ZNF335: variants seen among roughly 807,000 people sequenced by gnomAD.
ZNF335 encodes zinc finger protein 335, also known as NRC-interacting factor 1.
A neutral mutation model predicts 145.6 loss-of-function variants in ZNF335; 84 were observed. The ratio of observed to expected loss-of-function variants is 0.58; its 90% CI spans 0.48 to 0.69. ZNF335 has a LOEUF of 0.69. Ranked by LOEUF, ZNF335 falls within the 30% of genes least tolerant of loss-of-function variation. The pLI, the probability that ZNF335 is intolerant of heterozygous loss-of-function variation, is 0.00. For synonymous variants in ZNF335, 761 were observed against 717.0 expected (o/e 1.06, Z -0.98); for missense variants, 1,865 against 1,809.7 (o/e 1.03, Z -0.55).
rs2083680371 is a variant in ZNF335 at position 45,953,950 on chromosome 20, T to A, written c.2443-2A>T. On this transcript the variant is annotated splice_acceptor_variant, in intron 17 of 27. Transcript: ENST00000322927. LOFTEE classifies it high-confidence loss of function. ...ATCTTCCGACTTCACCACAGCCACC[T>A]GCAACGGCACCAGGGGGCGGGATGG... The A allele has an allele frequency of 1.9e-6, 3 of 1,583,022 alleles. No individual in the cohort carries two copies. In the Admixed American group the frequency reaches 5.5e-5, roughly 29 times the overall value.
Position 45,962,164 on chromosome 20 carries a change from C to T in ZNF335, c.1552G>A (p.Val518Met), listed in dbSNP as rs768453184. The T allele has an allele frequency of 1.5e-5, 25 of 1,613,992 alleles. 1 individual carries two copies. In the Admixed American group the frequency reaches 3.3e-4, roughly 22 times the overall value. The change falls in exon 10 of 28, where the codon GTG becomes ATG. Residue 518 changes from valine (V) to methionine (M), a missense_variant. Coordinates refer to ENST00000322927, the MANE Select transcript of ZNF335 (RefSeq NM_022095.4). ...TCACACTTGTAGGGCTTGCTGCCCA[C>T]GTGGTTGAACATGTGCTCCTGGGAG... ...SSLKEHMFNH[V>M]GSKPYKCDEC... is the part of the protein sequence containing the mutation.
At position 45,965,785 on chromosome 20, in the gene ZNF335, C is replaced by G. The variant is rs1258747382; in HGVS notation, c.956-11G>C. On this transcript the variant is annotated splice_polypyrimidine_tract_variant and intron_variant, in intron 6 of 27. Transcript: ENST00000322927. ...TATAGTCGCTATCCTCTGTGGGGGA[C>G]AGTAAAGTTGGTGAACAGTGAGTGG... 2.5e-6 allele frequency: 4 copies of G among 1,595,938 alleles called. No homozygotes were observed. The highest frequency in any genetic ancestry group is 2.7e-5 in the African/African-American group (2 of 73,116).
chr20:45,961,915 G>T, intron 10 of ZNF335, 155 bp downstream of exon 10: 1 of 632,214 alleles, frequency 1.6e-6, no homozygotes, highest in Non-Finnish European at 2.8e-6. Flanking sequence ...AATGAACTGG[G>T]GTGAACTGCC....
Position 45,957,927 on chromosome 20 carries a change from A to C in ZNF335, c.2255T>G (p.Ile752Arg). 1 of 1,613,996 alleles carries C rather than the reference A, an allele frequency of 6.2e-7. No homozygotes were observed. Residue 752 changes from isoleucine (I) to arginine (R), a missense_variant and splice_region_variant, in exon 16 of 28, where the codon ATA (isoleucine) becomes AGA (arginine). Physicochemically the swap from Ile to Arg is moderately conservative, Grantham distance 97 (BLOSUM62 -3). Transcript: ENST00000322927. ...PPPSSPGPPE[I>R]PPEATTFQSS... is the part of the protein sequence containing the mutation. ...CTGGAAAGTTGTCGCCTCTGGGGGT[A>C]TCTATGGGGTGGAGATATGGCCACG...
rs767257716 is a variant in ZNF335, at chr20:45,953,889, G to C, written c.2502C>G (p.Pro834=). The C allele has an allele frequency of 1.1e-5, 18 of 1,613,242 alleles. No individual in the cohort carries two copies. The highest frequency in any genetic ancestry group is 1.5e-5 in the Non-Finnish European group (18 of 1,179,766). The change falls in exon 18 of 28, where the codon CCC becomes CCG. Residue 834 remains proline, a synonymous_variant. Transcript: ENST00000322927. The part of the protein sequence containing the change: ...EAGLASPGGQ[P]SPEGATPQVV... ...CCTGTGGAGTGGCACCTTCAGGGGAGGGCTGCCCACCAGGGGATGCTAACC... is the reference window on the plus strand; with the variant it reads ...CCTGTGGAGTGGCACCTTCAGGGGACGGCTGCCCACCAGGGGATGCTAACC...
intron 10 of ZNF335, 26 bp from the exon 11 acceptor site, chr20:45,960,908 G>A: frequency 6.2e-7 from 1 of 1,612,924 alleles, no homozygotes; most frequent in Non-Finnish European, 8.5e-7. Context: ...CGAGGAATTA[G>A]ACCAGAGCTT....
chr20:45,971,160 T>G, intron 2 of ZNF335, 50 bp downstream of exon 2: 1 of 1,471,844 alleles, frequency 6.8e-7, no homozygotes, highest in Non-Finnish European at 9.0e-7. Context: ...TGTCAGGCAC[T>G]GCTGCTCGCG....
Position 45,949,479 on chromosome 20 carries a change from G to C in ZNF335, c.3753+6C>G. On this transcript the variant is annotated splice_donor_region_variant and intron_variant, in intron 25 of 27. Coordinates refer to ENST00000322927, the MANE Select transcript of ZNF335 (RefSeq NM_022095.4). ...ACACAGCACCCTCATCCCAGGTCTG[G>C]CCTACCTGGATGTGATGGCCTTCAG... is the stretch of plus-strand genomic sequence containing the variant. 1.9e-6 allele frequency: 3 copies of C among 1,613,824 alleles called. No homozygotes were observed. Among genetic ancestry groups the C allele is most frequent in the Non-Finnish European group, 2.5e-6 (3 of 1,179,914 alleles).
intron 20 of ZNF335, among the ~76,000 whole-genome samples, 157 bp from the exon 21 acceptor site, chr20:45,950,752 C>T (rs931777369): frequency 2.6e-5 from 4 of 152,200 alleles, no homozygotes; most frequent in African/African-American, 9.6e-5. Flanking sequence ...AAAGGCCAAG[C>T]CGGATCCGTA....
intron 14 of ZNF335, 81 bp from the exon 15 acceptor site, chr20:45,959,514 A>C: frequency 9.1e-7 from 1 of 1,101,728 alleles, no homozygotes. Context: ...GACCCTAAGG[A>C]TCTCTCCAAC....
rs911409744 is a variant in ZNF335, at chr20:45,952,410, A to C, written c.2926T>G (p.Ser976Ala). The C allele has an allele frequency of 1.4e-5, 22 of 1,583,982 alleles. No homozygotes were observed. Among genetic ancestry groups the C allele is most frequent in the Non-Finnish European group, 1.8e-5 (21 of 1,161,896 alleles). Reference protein sequence around the residue: ...GLPRDGPEPPSPAKTHCVGDS... With the variant: ...GLPRDGPEPPAPAKTHCVGDS... The stretch of plus-strand genomic sequence containing the variant: ...CCTACGCAGTGGGTCTTGGCTGGAG[A>C]TGGGGGCTCAGGGCCGTCTCTGGGC... Residue 976 changes from serine (S) to alanine (A), a missense_variant, in exon 20 of 28, where the codon TCT becomes GCT. Transcript: ENST00000322927.
intron 15 of ZNF335, 122 bp from the exon 16 acceptor site, chr20:45,958,050 C>CT: frequency 1.4e-6 from 1 of 731,914 alleles, no homozygotes; most frequent in Admixed American, 2.6e-5. Flanking sequence ...TTCATAACCA[C>CT]TTTTCTTTTT....
chr20:45,971,045 A>C (rs532354619), intron 2 of ZNF335, among the ~76,000 whole-genome samples, 165 bp downstream of exon 2: 1 of 152,352 alleles, frequency 6.6e-6, no homozygotes, highest in South Asian at 2.1e-4. Context: ...GAAGGTATGA[A>C]GCTCAAATGA....
chr20:45,960,702 CAG>C lies in ZNF335; in HGVS notation c.1694_1695del (p.Pro565ArgfsTer22). The C allele has an allele frequency of 6.2e-7, 1 of 1,614,114 alleles. No homozygotes were observed. The highest frequency in any genetic ancestry group is 8.5e-7 in the Non-Finnish European group (1 of 1,180,010). Reference protein sequence around the residue: ...PTPKLSSFPCPVCGRVYPMQK... With the variant: ...PTPKLSSFPCXVCGRVYPMQK... Reference sequence around the variant, plus strand: ...TGCATGGGGTACACACGGCCACACACAGGGCAGGGGAAAGAGCTCAGCTTTGG... The same window carrying C: ...TGCATGGGGTACACACGGCCACACACGGCAGGGGAAAGAGCTCAGCTTTGG... On this transcript the variant is annotated frameshift_variant, in exon 12 of 28. Coordinates refer to ENST00000322927, the MANE Select transcript of ZNF335 (RefSeq NM_022095.4). LOFTEE classifies it high-confidence loss of function.
intron 20 of ZNF335, among the ~76,000 whole-genome samples, chr20:45,951,681 C>G (rs1189825187): frequency 6.6e-6 from 1 of 152,202 alleles, no homozygotes; most frequent in Non-Finnish European, 1.5e-5. Context: ...GGCAGTAGTG[C>G]TTGCCCACCT....
intron 25 of ZNF335, 33 bp from the exon 26 acceptor site, chr20:45,949,431 G>A (rs780309952): frequency 2.5e-6 from 4 of 1,614,012 alleles, no homozygotes; most frequent in Admixed American, 3.3e-5. Context: ...TGATCCTAGG[G>A]AGAGGTCATG....
intron 8 of ZNF335, 37 bp from the exon 9 acceptor site, chr20:45,963,687 G>C: frequency 6.2e-7 from 1 of 1,613,976 alleles, no homozygotes; most frequent in Non-Finnish European, 8.5e-7. Context: ...GTCTGGTGGG[G>C]TTGGTGGCTT....
At chr20:45,950,118 A>G (rs1001514931) in intron 22 of ZNF335, 49 bp from the exon 23 acceptor site, 5 of 1,609,572 alleles carry the variant, frequency 3.1e-6, no homozygotes, top group East Asian at 4.5e-5. Context: ...AAAACCTGCA[A>G]TGCCCCAGCT....
At position 45,971,206 on chromosome 20, in the gene ZNF335, AT is replaced by A. The variant is rs1568832774; in HGVS notation, c.201+3del. On this transcript the variant is annotated splice_donor_region_variant and intron_variant, in intron 2 of 27. Transcript: ENST00000322927. ...CCACCCACGCCGTCCAGCCGGGTCCATACCTGAGAACGGCTGCCGCGGTCCG... is the reference window on the plus strand; with the variant it reads ...CCACCCACGCCGTCCAGCCGGGTCCAACCTGAGAACGGCTGCCGCGGTCCG... The A allele has an allele frequency of 3.9e-6, 6 of 1,535,758 alleles. No individual in the cohort carries two copies. Among genetic ancestry groups the A allele is most frequent in the Non-Finnish European group, 5.2e-6 (6 of 1,143,306 alleles).
Sources: allele counts gnomAD v4.1 joint callset (sites outside exome capture counted in the v4.1 genomes callset), GRCh38; gene constraint gnomAD v4.1.1; transcripts MANE v1.5; gene names NCBI Gene and HGNC (gene_info 2026-07-23, HGNC 2026-07-21).